MROH9: variants seen among roughly 807,000 people sequenced by gnomAD.
MROH9 encodes the protein maestro heat-like repeat-containing protein family member 9.
MROH9 carries 92 observed loss-of-function variants against 98.2 expected under a neutral mutation model. That is an observed-to-expected ratio of 0.94 (90% confidence interval 0.79 to 1.11). The LOEUF (loss-of-function observed/expected upper bound fraction) is 1.11. MROH9 is among the 50% of genes most tolerant of loss of function. The probability of loss-of-function intolerance (pLI) is 0.00; values close to 1 mark genes in which losing one functional copy is unlikely to be tolerated. For synonymous variants in MROH9, 397 were observed against 368.9 expected (o/e 1.08, Z -0.87); for missense variants, 1,057 against 1,014.8 (o/e 1.04, Z -0.57).
In MROH9 at chr1:171,064,598, AT is replaced by A; in HGVS notation, c.*260del. On this transcript the variant is annotated 3_prime_UTR_variant, in exon 22 of 22. Transcript: ENST00000367759. ...CTATTTCATCAAAACCACTAAGACA[AT>A]TGAAAATAACATAAGCAAAGTGTTT... is the stretch of plus-strand genomic sequence containing the variant. 3.0e-6 allele frequency: 1 copy of A among 337,878 alleles called. No homozygotes were observed. Among genetic ancestry groups the A allele is most frequent in the Non-Finnish European group, 5.3e-6 (1 of 189,130 alleles). The allele number at this position is 337,878 out of a possible 1,614,324, so 20.9% of individuals were successfully genotyped here.
intron 17 of MROH9, among the ~76,000 whole-genome samples, chr1:171,021,858 C>T: frequency 6.7e-6 from 1 of 148,546 alleles, no homozygotes; most frequent in Non-Finnish European, 1.5e-5. Flanking sequence ...ACCCATCTGA[C>T]AAAGATCTAA....
chr1:171,025,670 G>A (rs1652685055), intron 20 of MROH9, among the ~76,000 whole-genome samples: 1 of 152,168 alleles, frequency 6.6e-6, no homozygotes, highest in African/African-American at 2.4e-5. Flanking sequence ...ACTTAAGACA[G>A]TGACATACCA....
At chr1:170,988,212 T>C (rs1651223248) in intron 10 of MROH9, among the ~76,000 whole-genome samples, 1 of 152,202 alleles carries the variant, frequency 6.6e-6, no homozygotes, top group Non-Finnish European at 1.5e-5. Flanking sequence ...CCAGTCCTGA[T>C]GGTGACATGA....
At chr1:171,013,721 A>T (rs1354445021) in intron 15 of MROH9, among the ~76,000 whole-genome samples, 1 of 152,132 alleles carries the variant, frequency 6.6e-6, no homozygotes, top group African/African-American at 2.4e-5. Flanking sequence ...ATCTCTATTT[A>T]CTAGTGCAGT....
At chr1:170,981,271 A>G (rs1026176197) in intron 8 of MROH9, among the ~76,000 whole-genome samples, 1 of 152,196 alleles carries the variant, frequency 6.6e-6, no homozygotes, top group African/African-American at 2.4e-5. Context: ...TATATACCCA[A>G]AGGAATATAG....
At chr1:171,033,343 C>A (rs1170133724) in intron 20 of MROH9, among the ~76,000 whole-genome samples, 2 of 152,246 alleles carry the variant, frequency 1.3e-5, no homozygotes, top group Non-Finnish European at 2.9e-5. Context: ...AGATGAGAGG[C>A]TGTTAAGAGT....
intron 14 of MROH9, among the ~76,000 whole-genome samples, chr1:170,997,385 T>C (rs1651621330): frequency 6.6e-6 from 1 of 152,088 alleles, no homozygotes; most frequent in Non-Finnish European, 1.5e-5. Flanking sequence ...AGAAGTAACT[T>C]TGGATATTCT....
intron 15 of MROH9, among the ~76,000 whole-genome samples, chr1:171,003,620 T>C (rs1651855456): frequency 6.6e-6 from 1 of 152,190 alleles, no homozygotes; most frequent in Non-Finnish European, 1.5e-5. Context: ...CAGAAGTGGA[T>C]AACAGTGCCT....
rs1163104324 is a variant in MROH9, at chr1:171,024,766, G to A, written c.2178+1G>A. Reference sequence around the variant, plus strand: ...GGTGCTCAATATCTGTAACAATCTTGTAAGTGGCCCTTCCATTTTTACTAC... The same window carrying A: ...GGTGCTCAATATCTGTAACAATCTTATAAGTGGCCCTTCCATTTTTACTAC... On this transcript the variant is annotated splice_donor_variant, in intron 19 of 21. Coordinates refer to ENST00000367759, the MANE Select transcript of MROH9 (RefSeq NM_001163629.2). LOFTEE classifies it high-confidence loss of function. The A allele has an allele frequency of 1.3e-6, 2 of 1,514,284 alleles. No individual in the cohort carries two copies. The highest frequency in any genetic ancestry group is 1.8e-6 in the Non-Finnish European group (2 of 1,114,440). The allele number at this position is 1,514,284 out of a possible 1,614,324, so 93.8% of individuals were successfully genotyped here. A position where few individuals can be genotyped will look rare whatever the true frequency, so the allele number is the denominator to read the frequency against.
At chr1:171,050,240 C>A (rs1463045355) in intron 20 of MROH9, among the ~76,000 whole-genome samples, 1 of 151,974 alleles carries the variant, frequency 6.6e-6, no homozygotes, top group Non-Finnish European at 1.5e-5. Flanking sequence ...CCTAATTTTT[C>A]TTTTATAATT....
chr1:170,964,300 G>T (rs573747155), intron 6 of MROH9, among the ~76,000 whole-genome samples: 1 of 152,094 alleles, frequency 6.6e-6, no homozygotes, highest in South Asian at 2.1e-4. Flanking sequence ...ATGCCTAAAA[G>T]CTTCCCTGCT....
chr1:170,959,744 G>T, intron 5 of MROH9, 147 bp downstream of exon 5: 1 of 610,324 alleles, frequency 1.6e-6, no homozygotes, highest in Non-Finnish European at 2.6e-6. Flanking sequence ...CTATACCACT[G>T]GACTCCTTGT....
chr1:171,064,210 A>G lies in MROH9; in HGVS notation c.2456A>G (p.Gln819Arg), dbSNP rs1274684975. 2 of 1,551,608 alleles carry G rather than the reference A, an allele frequency of 1.3e-6. No homozygotes were observed. Among genetic ancestry groups the G allele is most frequent in the South Asian group, 2.4e-5 (2 of 84,044 alleles). The change falls in exon 22 of 22, where the codon CAA (glutamine) becomes CGA (arginine). Residue 819 changes from glutamine to arginine, a missense_variant. Transcript: ENST00000367759. Reference protein sequence around the residue: ...AHKLTSAPLKQNFQKLLKLFY... With the variant: ...AHKLTSAPLKRNFQKLLKLFY... ...AAACTGACCTCTGCACCTCTTAAAC[A>G]AAACTTCCAAAAATTGCTTAAATTA... is the stretch of plus-strand genomic sequence containing the variant.
At chr1:170,996,451 T>C (rs1004581005) in intron 13 of MROH9, 56 bp from the exon 14 acceptor site, 13 of 1,593,188 alleles carry the variant, frequency 8.2e-6, no homozygotes, top group African/African-American at 5.4e-5. Flanking sequence ...TAATGTGTAT[T>C]TAGTTTTTTG....
chr1:171,029,883 T>A (rs1040158147), intron 20 of MROH9, among the ~76,000 whole-genome samples: 3 of 152,226 alleles, frequency 2.0e-5, no homozygotes, highest in Non-Finnish European at 2.9e-5. Flanking sequence ...CCAATTCCTC[T>A]TTGTGTTTCT....
chr1:171,012,705 A>T (rs553503120), intron 15 of MROH9, among the ~76,000 whole-genome samples: 6 of 151,828 alleles, frequency 4.0e-5, no homozygotes, highest in Admixed American at 2.0e-4. Context: ...GGGTTTCACC[A>T]TGTTATCCAG....
At chr1:170,954,474 T>G (rs1358766886) in intron 3 of MROH9, among the ~76,000 whole-genome samples, 1 of 152,110 alleles carries the variant, frequency 6.6e-6, no homozygotes, top group Admixed American at 6.6e-5. Flanking sequence ...AGTAAAGATG[T>G]CTCTTTGATA....
chr1:170,984,866 A>G (rs1651069926), intron 9 of MROH9, among the ~76,000 whole-genome samples: 1 of 152,180 alleles, frequency 6.6e-6, no homozygotes, highest in Non-Finnish European at 1.5e-5. Context: ...TGGAACAGGT[A>G]AATTGAGAGA....
At chr1:171,016,137 C>T in intron 16 of MROH9, 26 bp from the exon 17 acceptor site, 1 of 1,395,926 alleles carries the variant, frequency 7.2e-7, no homozygotes, top group Non-Finnish European at 9.4e-7. Context: ...TTCCTAAATC[C>T]CACCATTTTT....
Sources: allele counts gnomAD v4.1 joint callset (sites outside exome capture counted in the v4.1 genomes callset), GRCh38; gene constraint gnomAD v4.1.1; transcripts MANE v1.5; gene names NCBI Gene and HGNC (gene_info 2026-07-23, HGNC 2026-07-21).